The following VPS53 variants were observed in gnomAD, a reference collection of about 807,000 sequenced individuals.
VPS53 encodes the protein vacuolar protein sorting-associated protein 53 homolog.
Under a neutral mutation model 107.0 loss-of-function variants are expected in VPS53, and 70 were observed. The ratio of observed to expected loss-of-function variants is 0.65; its 90% confidence interval spans 0.54 to 0.80. VPS53 has a LOEUF of 0.80. Ranked by LOEUF, VPS53 falls within the 30% of genes least tolerant of loss-of-function variation. The probability of loss-of-function intolerance (pLI) is 0.00; values close to 1 mark genes in which losing one functional copy is unlikely to be tolerated. For synonymous variants in VPS53, 409 were observed against 393.3 expected (o/e 1.04, Z -0.47); for missense variants, 917 against 1,049.4 (o/e 0.87, Z 1.74).
At chr17:708,795 G>A (rs1027384649) in intron 2 of VPS53, among the ~76,000 whole-genome samples, 6 of 152,190 alleles carry the variant, frequency 3.9e-5, no homozygotes, top group Non-Finnish European at 5.9e-5. Flanking sequence ...TTCCTTGGTC[G>A]TAATAATGAA....
intron 11 of VPS53, among the ~76,000 whole-genome samples, chr17:608,524 A>G (rs1299062409): frequency 6.6e-6 from 1 of 152,184 alleles, no homozygotes; most frequent in African/African-American, 2.4e-5. Flanking sequence ...AGGGATATAC[A>G]GTAGTTAAGA....
intron 4 of VPS53, among the ~76,000 whole-genome samples, chr17:671,145 C>T (rs376878800): frequency 4.6e-5 from 7 of 151,956 alleles, no homozygotes; most frequent in African/African-American, 1.2e-4. Flanking sequence ...GCAGGAGAAT[C>T]GCCTGCACCT....
chr17:561,796 A>T (rs907724620), intron 14 of VPS53, among the ~76,000 whole-genome samples: 2 of 151,954 alleles, frequency 1.3e-5, no homozygotes, highest in Non-Finnish European at 2.9e-5. Context: ...CACCCAGCTG[A>T]TTTTTGTATT....
chr17:512,477 C>T lies in VPS53; in HGVS notation c.*6651G>A, dbSNP rs1908006953. The stretch of plus-strand genomic sequence containing the variant: ...TTTCTGATGGACACGTCCTTCATGT[C>T]CCACAGATCCATGGATCGCCGGCAT... On this transcript the variant is annotated 3_prime_UTR_variant, in exon 22 of 22. Transcript: ENST00000437048. The T allele has an allele frequency of 6.6e-6, 1 of 152,216 alleles. No individual in the cohort carries two copies. Among genetic ancestry groups the T allele is most frequent in the South Asian group, 2.1e-4 (1 of 4,830 alleles). The allele number at this position is 152,216 out of a possible 1,614,324, so 9.4% of individuals were successfully genotyped here.
intron 8 of VPS53, among the ~76,000 whole-genome samples, chr17:631,099 G>A (rs1235627298): frequency 6.6e-6 from 1 of 152,014 alleles, no homozygotes; most frequent in Non-Finnish European, 1.5e-5. Context: ...CGAAGAGCAG[G>A]CTTATGGTCA....
chr17:601,367 C>G lies in VPS53; in HGVS notation c.1218+428G>C, dbSNP rs148476057. On this transcript the variant is annotated intron_variant, in intron 12 of 21. Transcript: ENST00000437048. ...CCAGGCCTCCCCAATGGCTTCCAGA[C>G]CTAAAGTGATCAGCTTACACTGCAT... Among the ~76,000 whole-genome samples the G allele has an allele frequency of 1.9e-4, 29 of 152,314 alleles. No individual in the cohort carries two copies. In the East Asian group the frequency reaches 4.4e-3, roughly 23 times the overall value.
intron 7 of VPS53, among the ~76,000 whole-genome samples, chr17:651,873 G>A (rs760879071): frequency 2.0e-5 from 3 of 152,024 alleles, no homozygotes; most frequent in Non-Finnish European, 4.4e-5. Flanking sequence ...ATCCTCCTTC[G>A]CTCTGAGAAA....
intron 4 of VPS53, among the ~76,000 whole-genome samples, chr17:682,847 A>AAGGGG (rs1470312914): frequency 4.4e-5 from 6 of 135,702 alleles, no homozygotes; most frequent in African/African-American, 1.9e-4. Context: ...ATTTGGTATA[A>AAGGGG]ATATTAGATA....
At chr17:714,585 G>A (rs755611233) in intron 1 of VPS53, 38 bp downstream of exon 1, 2 of 1,564,858 alleles carry the variant, frequency 1.3e-6, no homozygotes, top group South Asian at 1.2e-5. Flanking sequence ...CTCCCCTCCC[G>A]CACTCCCGTT....
chr17:661,667 A>T lies in VPS53; in HGVS notation c.372+142T>A. 5.5e-6 allele frequency: 4 copies of T among 729,620 alleles called. No homozygotes were observed. In the South Asian group the frequency reaches 7.7e-5, roughly 14 times the overall value. 45.2% of individuals were successfully genotyped at this position (729,620 alleles called of 1,614,324 possible). ...CCCTTGAATTGATCTGAACGCATTC[A>T]TAGGGGGCTTGCTTTAGAGATGCAG... On this transcript the variant is annotated intron_variant, in intron 5 of 21. Coordinates refer to ENST00000437048, the MANE Select transcript of VPS53 (RefSeq NM_001128159.3).
intron 7 of VPS53, among the ~76,000 whole-genome samples, chr17:638,192 T>A (rs1970274613): frequency 6.6e-6 from 1 of 152,186 alleles, no homozygotes; most frequent in African/African-American, 2.4e-5. Context: ...TCTCTTTTGA[T>A]CTTTGTTGGT....
At position 619,322 on chromosome 17, in the gene VPS53, C is replaced by T. The variant is rs572169483; in HGVS notation, c.1116+4211G>A. On this transcript the variant is annotated intron_variant, in intron 11 of 21. Transcript: ENST00000437048. Reference sequence around the variant, plus strand: ...GGGTAGCTGGGACTACAGGCGCGCACCACCACGCCCCGCTAATATTTCCCG... The same window carrying T: ...GGGTAGCTGGGACTACAGGCGCGCATCACCACGCCCCGCTAATATTTCCCG... Among the ~76,000 whole-genome samples, 592 of 147,962 alleles carry T rather than the reference C, an allele frequency of 4.0e-3. 1 individual carries two copies. Among genetic ancestry groups the T allele is most frequent in the Non-Finnish European group, 7.2e-3 (484 of 67,190 alleles).
At chr17:581,547 T>C (rs1567646834) in intron 13 of VPS53, among the ~76,000 whole-genome samples, 2 of 150,746 alleles carry the variant, frequency 1.3e-5, no homozygotes, top group Non-Finnish European at 3.0e-5. Context: ...AGAACCTGAA[T>C]GCATTCCCAG....
chr17:584,114 T>A (rs748136580), intron 13 of VPS53, among the ~76,000 whole-genome samples: 4 of 152,230 alleles, frequency 2.6e-5, no homozygotes, highest in Non-Finnish European at 2.9e-5. Flanking sequence ...CCTGAAGAAC[T>A]TCCCTCAGGA....
rs79830737 is a variant in VPS53 at position 683,950 on chromosome 17, C to T, written c.285+13468G>A. 8.2e-3 allele frequency among the ~76,000 whole-genome samples: 1,247 copies of T among 152,246 alleles called. 5 individuals carry two copies. The highest frequency in any genetic ancestry group is 0.014 in the Non-Finnish European group (947 of 68,028). ...AGCAACAGTGATGGTGTTCATAATA[C>T]GTAAAAACAAGATGTGGGGCAGAGT... On this transcript the variant is annotated intron_variant, in intron 4 of 21. Coordinates refer to ENST00000437048, the MANE Select transcript of VPS53 (RefSeq NM_001128159.3).
At chr17:596,724 T>C (rs912324408) in intron 12 of VPS53, among the ~76,000 whole-genome samples, 6 of 152,202 alleles carry the variant, frequency 3.9e-5, no homozygotes, top group African/African-American at 9.6e-5. Flanking sequence ...TGCTGGAATT[T>C]TGGCTAACTG....
rs1184911010 is a variant in VPS53, at chr17:511,237, G to A, written c.*7891C>T. On this transcript the variant is annotated 3_prime_UTR_variant, in exon 22 of 22. Coordinates refer to ENST00000437048, the MANE Select transcript of VPS53 (RefSeq NM_001128159.3). ...GTGCCTTCCTTTTCCATCAGCGCAA[G>A]GCAAACACATGAAGGGAGCTGGGGT... 2.0e-5 allele frequency: 3 copies of A among 152,192 alleles called. No individual in the cohort carries two copies. The highest frequency in any genetic ancestry group is 2.9e-5 in the Non-Finnish European group (2 of 68,056). The allele number at this position is 152,192 out of a possible 1,614,324, so 9.4% of individuals were successfully genotyped here. A position where few individuals can be genotyped will look rare whatever the true frequency, so the allele number is the denominator to read the frequency against.
intron 20 of VPS53, among the ~76,000 whole-genome samples, chr17:521,224 G>C (rs1285402580): frequency 6.6e-6 from 1 of 152,218 alleles, no homozygotes; most frequent in East Asian, 1.9e-4. Context: ...TAAAGTGGCA[G>C]AGTACAGAAA....
At chr17:548,188 GAGAT>G (rs1416959989) in intron 17 of VPS53, among the ~76,000 whole-genome samples, 7 of 152,232 alleles carry the variant, frequency 4.6e-5, no homozygotes, top group Non-Finnish European at 1.0e-4. Flanking sequence ...GTGGAGTAAA[GAGAT>G]AGATAATGAA....
Sources: allele counts gnomAD v4.1 joint callset (sites outside exome capture counted in the v4.1 genomes callset), GRCh38; gene constraint gnomAD v4.1.1; transcripts MANE v1.5; gene names NCBI Gene and HGNC (gene_info 2026-07-23, HGNC 2026-07-21).